Variants in HACE1 observed in about 807,000 individuals in gnomAD.
The protein encoded by HACE1 is E3 ubiquitin-protein ligase HACE1.
Under a neutral mutation model 118.4 loss-of-function variants are expected in HACE1, and 73 were observed. That is an observed-to-expected ratio of 0.62 (90% CI 0.51 to 0.75). The LOEUF (loss-of-function observed/expected upper bound fraction) is 0.75. Among genes scored for constraint, HACE1 ranks in the 30% least tolerant of loss-of-function variants. The pLI is 0.00. For synonymous variants in HACE1, 368 were observed against 374.8 expected (o/e 0.98, Z 0.21); for missense variants, 749 against 1,102.2 (o/e 0.68, Z 4.54).
intron 14 of HACE1, among the ~76,000 whole-genome samples, chr6:104,782,086 T>A (rs1022476450): frequency 6.7e-6 from 1 of 149,260 alleles, no homozygotes; most frequent in Non-Finnish European, 1.5e-5. Context: ...CCGCAATTAC[T>A]TTTGCACCAA....
chr6:104,819,334 G>A (rs536193844), intron 6 of HACE1, among the ~76,000 whole-genome samples: 4 of 152,180 alleles, frequency 2.6e-5, no homozygotes, highest in African/African-American at 9.6e-5. Flanking sequence ...TAAGTAGGGA[G>A]GCGAAAGATC....
chr6:104,823,511 T>A lies in HACE1; in HGVS notation c.534+9531A>T, dbSNP rs534944084. On this transcript the variant is annotated intron_variant, in intron 6 of 23. Transcript: ENST00000262903. Reference sequence around the variant, plus strand: ...AAATCTTTCTACTTTTCTATTTTTTTAAAAAAAACAGCCCGATGAAGATCC... The same window carrying A: ...AAATCTTTCTACTTTTCTATTTTTTAAAAAAAAACAGCCCGATGAAGATCC... Among the ~76,000 whole-genome samples, 1,007 of 151,290 alleles carry A rather than the reference T, an allele frequency of 6.7e-3. 11 individuals carry two copies. The highest frequency in any genetic ancestry group is 0.023 in the African/African-American group (954 of 41,238).
At chr6:104,761,755 A>G (rs1779378581) in intron 19 of HACE1, among the ~76,000 whole-genome samples, 1 of 152,256 alleles carries the variant, frequency 6.6e-6, no homozygotes, top group South Asian at 2.1e-4. Flanking sequence ...ATCAGAGTGA[A>G]CAGGCAGCCT....
At chr6:104,780,063 G>C (rs1582432337) in intron 14 of HACE1, among the ~76,000 whole-genome samples, 1 of 152,004 alleles carries the variant, frequency 6.6e-6, no homozygotes, top group African/African-American at 2.4e-5. Flanking sequence ...TACCTAGAAT[G>C]CTCAATAAAT....
chr6:104,815,076 G>T lies in HACE1; in HGVS notation c.535-3683C>A, dbSNP rs1234872274. ...GGAAGCGACTTTGGAACTGGGTAAG[G>T]GGCAGAGGTTGGAACAGTTTGGAGG... On this transcript the variant is annotated intron_variant, in intron 6 of 23. Transcript: ENST00000262903. 1.4e-5 allele frequency among the ~76,000 whole-genome samples: 2 copies of T among 138,180 alleles called. 1 individual carries two copies. The highest frequency in any genetic ancestry group is 3.1e-5 in the Non-Finnish European group (2 of 64,216). The allele number at this position is 138,180 out of a possible 152,430, so 90.7% of individuals were successfully genotyped here.
chr6:104,734,982 G>A (rs899385166), intron 22 of HACE1, among the ~76,000 whole-genome samples: 18 of 151,570 alleles, frequency 1.2e-4, no homozygotes, highest in African/African-American at 4.1e-4. Context: ...AGGTCCGGAT[G>A]GTTTAAAAAT....
chr6:104,784,241 G>A (rs1054900379), intron 13 of HACE1, 68 bp from the exon 14 acceptor site: 3 of 937,852 alleles, frequency 3.2e-6, no homozygotes, highest in Non-Finnish European at 5.3e-6. Context: ...TGCAAATTCA[G>A]ATACACTGAC....
intron 17 of HACE1, 52 bp downstream of exon 17, chr6:104,776,689 T>C (rs1247943783): frequency 1.7e-5 from 17 of 997,720 alleles, no homozygotes; most frequent in South Asian, 8.9e-5. Flanking sequence ...ACTGAAATAG[T>C]GTGAAAAATG....
intron 19 of HACE1, among the ~76,000 whole-genome samples, chr6:104,753,860 C>A (rs757359456): frequency 6.6e-6 from 1 of 152,190 alleles, no homozygotes; most frequent in Non-Finnish European, 1.5e-5. Flanking sequence ...CTCCAAATGA[C>A]CGCAACACCT....
intron 6 of HACE1, among the ~76,000 whole-genome samples, chr6:104,814,244 T>G (rs1401455668): frequency 7.3e-6 from 1 of 137,530 alleles, no homozygotes; most frequent in Admixed American, 7.2e-5. Context: ...TCTAGTCTAT[T>G]AAATCAAAAG....
chr6:104,852,873 A>G (rs1013037890), intron 1 of HACE1, among the ~76,000 whole-genome samples: 3 of 152,224 alleles, frequency 2.0e-5, no homozygotes, highest in African/African-American at 7.2e-5. Flanking sequence ...AAATATACAC[A>G]ATACTGGCTT....
chr6:104,772,850 G>A lies in HACE1; in HGVS notation c.1865-776C>T, dbSNP rs1490437099. On this transcript the variant is annotated intron_variant, in intron 17 of 23. Coordinates refer to ENST00000262903, the MANE Select transcript of HACE1 (RefSeq NM_020771.4). ...TAGATTAGTAGTTACCTAAGGCTGA[G>A]GAAAGGGGATATGGGAGATATTGCT... Among the ~76,000 whole-genome samples, 3 of 152,110 alleles carry A rather than the reference G, an allele frequency of 2.0e-5. No homozygotes were observed. In the East Asian group the frequency reaches 5.8e-4, roughly 29 times the overall value.
intron 12 of HACE1, 56 bp from the exon 13 acceptor site, chr6:104,784,541 A>C: frequency 8.4e-7 from 1 of 1,183,908 alleles, no homozygotes; most frequent in African/African-American, 1.5e-5. Context: ...GATATAATAT[A>C]GCGAACTTGA....
At chr6:104,782,016 C>T (rs1052426096) in intron 14 of HACE1, among the ~76,000 whole-genome samples, 8 of 143,390 alleles carry the variant, frequency 5.6e-5, no homozygotes, top group Admixed American at 2.1e-4. Flanking sequence ...AAAGTAATTG[C>T]GGTTTTTGCT....
intron 6 of HACE1, among the ~76,000 whole-genome samples, chr6:104,820,370 A>G (rs1291166495): frequency 6.6e-6 from 1 of 152,228 alleles, no homozygotes; most frequent in Non-Finnish European, 1.5e-5. Flanking sequence ...GAGTTTCTGC[A>G]TAGCGAAAAA....
intron 6 of HACE1, among the ~76,000 whole-genome samples, chr6:104,811,797 T>C (rs2114974455): frequency 6.6e-6 from 1 of 152,276 alleles, no homozygotes; most frequent in Admixed American, 6.5e-5. Context: ...AATTGGACCC[T>C]ATTGCTTTAG....
intron 19 of HACE1, among the ~76,000 whole-genome samples, chr6:104,756,697 C>T (rs891882752): frequency 3.3e-5 from 5 of 152,044 alleles, no homozygotes; most frequent in Non-Finnish European, 7.3e-5. Context: ...ACTGGTTGGA[C>T]AGTGGGTGCA....
intron 22 of HACE1, among the ~76,000 whole-genome samples, chr6:104,738,065 C>T (rs901712779): frequency 1.3e-5 from 2 of 152,110 alleles, no homozygotes; most frequent in Non-Finnish European, 1.5e-5. Flanking sequence ...CACACTGACA[C>T]CTCACACGGC....
chr6:104,778,910 C>G (rs1202069916), intron 14 of HACE1, among the ~76,000 whole-genome samples: 1 of 152,060 alleles, frequency 6.6e-6, no homozygotes, highest in Non-Finnish European at 1.5e-5. Flanking sequence ...CCCCACACTC[C>G]TAGAAGGTAC....
Sources: allele counts gnomAD v4.1 joint callset (sites outside exome capture counted in the v4.1 genomes callset), GRCh38; gene constraint gnomAD v4.1.1; transcripts MANE v1.5; gene names NCBI Gene and HGNC (gene_info 2026-07-23, HGNC 2026-07-21).